CPT1A: variants seen among roughly 807,000 people sequenced by gnomAD.
CPT1A encodes the protein carnitine O-palmitoyltransferase 1, liver isoform.
A neutral mutation model predicts 100.8 loss-of-function variants in CPT1A; 64 were observed. That is an observed-to-expected ratio of 0.63 (90% confidence interval 0.52 to 0.78). CPT1A has a LOEUF of 0.78. Ranked by LOEUF, CPT1A falls within the 30% of genes least tolerant of loss-of-function variation. CPT1A has a pLI of 0.00. For missense variants in CPT1A, 802 were observed against 1,034.1 expected, an observed-to-expected ratio of 0.78 and a Z score of 3.08; for synonymous variants, 363 against 396.0, an observed-to-expected ratio of 0.92 and a Z score of 0.99.
chr11:68,838,585 A>AAAAAAAAAAAAAAAC (rs1208890772), intron 1 of CPT1A, among the ~76,000 whole-genome samples: 1 of 147,572 alleles, frequency 6.8e-6, no homozygotes, highest in Non-Finnish European at 1.5e-5. Context: ...AAAAAAAAAA[A>AAAAAAAAAAAAAAAC]AAAAAACAGA....
chr11:68,779,359 T>TC (rs1855235146), intron 12 of CPT1A, among the ~76,000 whole-genome samples: 1 of 152,012 alleles, frequency 6.6e-6, no homozygotes, highest in South Asian at 2.1e-4. Context: ...CTGTGTCAAG[T>TC]CTACGGATGA....
intron 1 of CPT1A, among the ~76,000 whole-genome samples, chr11:68,834,955 C>T (rs1005419055): frequency 1.3e-4 from 19 of 150,774 alleles, no homozygotes; most frequent in African/African-American, 4.6e-4. Flanking sequence ...GCCATGATTG[C>T]GCCACTGCAC....
At chr11:68,773,079 C>T (rs985548221) in intron 14 of CPT1A, among the ~76,000 whole-genome samples, 186 bp downstream of exon 14, 10 of 152,194 alleles carry the variant, frequency 6.6e-5, no homozygotes, top group African/African-American at 1.7e-4. Context: ...GGGGGATTTG[C>T]GAACTTTGCC....
At chr11:68,773,686 G>A in intron 13 of CPT1A, 1 of 472,318 alleles carries the variant, frequency 2.1e-6, no homozygotes. Context: ...ACACACACTG[G>A]GAATATCACG....
chr11:68,758,616 C>CTTTTTTTT (rs533259989), intron 18 of CPT1A, among the ~76,000 whole-genome samples: 1 of 138,228 alleles, frequency 7.2e-6, no homozygotes, highest in Non-Finnish European at 1.6e-5. Flanking sequence ...GATACATTTC[C>CTTTTTTTT]TTTTTTTTTT....
chr11:68,810,877 C>G (rs142412546), intron 3 of CPT1A, among the ~76,000 whole-genome samples: 3,017 of 152,042 alleles, frequency 0.02, 109 homozygotes, highest in African/African-American at 0.069. Context: ...CCCAGCTACT[C>G]AGGAGGCTGA....
intron 14 of CPT1A, among the ~76,000 whole-genome samples, chr11:68,765,159 G>A (rs961780042): frequency 6.6e-6 from 1 of 152,258 alleles, no homozygotes; most frequent in Non-Finnish European, 1.5e-5. Flanking sequence ...GGGAGAGGGA[G>A]AGAAGCAGAT....
intron 5 of CPT1A, among the ~76,000 whole-genome samples, chr11:68,802,260 A>G (rs1855921256): frequency 6.7e-6 from 1 of 150,186 alleles, no homozygotes. Context: ...AATGGTTAAC[A>G]GTACAATTCA....
chr11:68,761,622 G>C lies in CPT1A; in HGVS notation c.1941C>G (p.Ala647=), dbSNP rs115731492. 1.6e-3 allele frequency: 2,530 copies of C among 1,614,098 alleles called. 40 individuals are homozygous for C. The African/African-American group carries it at 0.029, about 18-fold the overall frequency. ...GACGATCGATCCCAGAGCCGGTCAT[G>C]GCGAGGCGATACATATGCTGATGCT... ...SEKHQHMYRL[A]MTGSGIDRHL... The change falls in exon 16 of 19, where the codon GCC becomes GCG. Residue 647 remains alanine (A), a synonymous_variant. Coordinates refer to ENST00000265641, the MANE Select transcript of CPT1A (RefSeq NM_001876.4).
chr11:68,800,923 T>C (rs543523146), intron 5 of CPT1A, among the ~76,000 whole-genome samples: 51 of 152,280 alleles, frequency 3.3e-4, no homozygotes, highest in African/African-American at 1.2e-3. Context: ...AAGACCAGCC[T>C]GGGCAACATG....
chr11:68,773,121 G>C, intron 14 of CPT1A, 144 bp downstream of exon 14: 6 of 1,469,224 alleles, frequency 4.1e-6, no homozygotes, highest in Non-Finnish European at 5.4e-6. Context: ...AACGCCACCC[G>C]GCCCCCGGAG....
intron 3 of CPT1A, among the ~76,000 whole-genome samples, chr11:68,811,843 A>AG (rs1378839474): frequency 6.6e-6 from 1 of 152,180 alleles, no homozygotes; most frequent in Non-Finnish European, 1.5e-5. Context: ...GAAAAAAAAA[A>AG]TAAAATGAAC....
In CPT1A at chr11:68,807,521, G is replaced by A. The variant is rs753243767; in HGVS notation, c.399C>T (p.His133=). 9.9e-6 allele frequency: 16 copies of A among 1,614,016 alleles called. No homozygotes were observed. Among genetic ancestry groups the A allele is most frequent in the East Asian group, 6.7e-5 (3 of 44,888 alleles). Residue 133 remains histidine (H), a synonymous_variant, in exon 4 of 19, where the codon CAC becomes CAT. Coordinates refer to ENST00000265641, the MANE Select transcript of CPT1A (RefSeq NM_001876.4). The part of the protein sequence containing the change: ...RYSLKVLLSY[H]GWMFTEHGKM... ...TGCCGTGCTCAGTGAACATCCACCC[G>A]TGGTAGGAGAGCAGCACTTTCAGGG...
chr11:68,775,183 C>G (rs1334938928), intron 13 of CPT1A, 133 bp downstream of exon 13: 1 of 756,848 alleles, frequency 1.3e-6, no homozygotes, highest in East Asian at 2.5e-5. Flanking sequence ...CCTGAGCAAA[C>G]AACTTTCAGC....
chr11:68,779,028 C>A (rs1855223769), intron 12 of CPT1A, among the ~76,000 whole-genome samples: 1 of 152,074 alleles, frequency 6.6e-6, no homozygotes, highest in Non-Finnish European at 1.5e-5. Flanking sequence ...TCGTGATCCG[C>A]CTGCCTCGGC....
At chr11:68,783,147 C>A (rs1408814388) in intron 10 of CPT1A, among the ~76,000 whole-genome samples, 1 of 152,134 alleles carries the variant, frequency 6.6e-6, no homozygotes, top group Non-Finnish European at 1.5e-5. Context: ...CTCCATCCCG[C>A]TCCTGCTCCC....
intron 14 of CPT1A, among the ~76,000 whole-genome samples, chr11:68,765,963 C>T (rs887495296): frequency 3.3e-5 from 5 of 151,672 alleles, no homozygotes; most frequent in Non-Finnish European, 7.4e-5. Flanking sequence ...CCTCTGCCTA[C>T]CGGGTTCAAG....
intron 1 of CPT1A, among the ~76,000 whole-genome samples, chr11:68,820,885 G>A (rs549671688): frequency 1.1e-4 from 16 of 152,176 alleles, no homozygotes; most frequent in Non-Finnish European, 1.9e-4. Flanking sequence ...TCTGTCCCCC[G>A]GAATCTGAGG....
chr11:68,771,320 C>T (rs1233679451), intron 14 of CPT1A, among the ~76,000 whole-genome samples: 1 of 152,110 alleles, frequency 6.6e-6, no homozygotes, highest in Non-Finnish European at 1.5e-5. Context: ...CTAAGTCCTG[C>T]GCTTACTTGC....
Sources: allele counts gnomAD v4.1 joint callset (sites outside exome capture counted in the v4.1 genomes callset), GRCh38; gene constraint gnomAD v4.1.1; transcripts MANE v1.5; gene names NCBI Gene and HGNC (gene_info 2026-07-23, HGNC 2026-07-21).